Variants in ADAMTSL1 observed in about 807,000 individuals in gnomAD.
ADAMTSL1 encodes the protein ADAMTS-like protein 1.
ADAMTSL1 carries 126 observed loss-of-function variants against 201.8 expected under a neutral mutation model. The ratio of observed to expected loss-of-function variants is 0.62; its 90% CI spans 0.54 to 0.72. ADAMTSL1 has a LOEUF of 0.72. Ranked by LOEUF, ADAMTSL1 falls within the 30% of genes least tolerant of loss-of-function variation. The pLI is 0.00. For missense variants in ADAMTSL1, 2,679 were observed against 2,277.8 expected, an observed-to-expected ratio of 1.18 and a Z score of -3.59; for synonymous variants, 1,121 against 903.4, an observed-to-expected ratio of 1.24 and a Z score of -4.32.
At chr9:18,115,087 A>G (rs1397193662) in intron 1 of ADAMTSL1, among the ~76,000 whole-genome samples, 1 of 152,206 alleles carries the variant, frequency 6.6e-6, no homozygotes, top group Non-Finnish European at 1.5e-5. Flanking sequence ...GAAACTTTAC[A>G]TCGGTCAGCT....
Position 18,088,589 on chromosome 9 carries a change from A to G in ADAMTSL1, c.88-75273A>G, listed in dbSNP as rs139420266. On this transcript the variant is annotated intron_variant, in intron 1 of 29. Transcript: ENST00000680146. ...AGGGACTTGATTAGAAATTTCTTCAAAGAATACATACAAATGATCAACAGG... is the reference window on the plus strand; with the variant it reads ...AGGGACTTGATTAGAAATTTCTTCAGAGAATACATACAAATGATCAACAGG... Among the ~76,000 whole-genome samples the G allele has an allele frequency of 1.4e-3, 220 of 152,342 alleles. 1 individual carries two copies. The highest frequency in any genetic ancestry group is 5.0e-3 in the African/African-American group (208 of 41,584).
chr9:18,091,069 ATG>A (rs34809656), intron 1 of ADAMTSL1, among the ~76,000 whole-genome samples: 6 of 105,780 alleles, frequency 5.7e-5, no homozygotes, highest in South Asian at 5.7e-4. Context: ...GTGTATATGC[ATG>A]TGTGTGTGTG....
intron 21 of ADAMTSL1, among the ~76,000 whole-genome samples, chr9:18,821,282 A>G (rs1337918955): frequency 2.0e-5 from 3 of 152,178 alleles, no homozygotes; most frequent in African/African-American, 7.2e-5. Flanking sequence ...CAAAGAGTAC[A>G]CCTGGTCATC....
In ADAMTSL1 at chr9:18,112,447, A is replaced by T. The variant is rs190319823; in HGVS notation, c.88-51415A>T. 9.2e-5 allele frequency among the ~76,000 whole-genome samples: 14 copies of T among 151,906 alleles called. No individual in the cohort carries two copies. The East Asian group carries it at 2.5e-3, about 27-fold the overall frequency. On this transcript the variant is annotated intron_variant, in intron 1 of 29. Transcript: ENST00000680146. ...TCGAGGGGCTGAGACTCAGTTGCCC[A>T]TAACAGTTATATACTCACAAATATA...
At chr9:18,906,507 G>C (rs1471291624) in intron 27 of ADAMTSL1, among the ~76,000 whole-genome samples, 185 bp from the exon 28 acceptor site, 1 of 152,192 alleles carries the variant, frequency 6.6e-6, no homozygotes, top group Non-Finnish European at 1.5e-5. Context: ...CCAGTAAGAG[G>C]AAATAGTCTT....
rs1821342300 is a variant in ADAMTSL1 at position 18,474,292 on chromosome 9, C to G, written c.60C>G (p.Leu20=). ...GTLLLFLAFL[L]LSSRTARSEE... ...TGCTCCTCTTTCTGGCTTTCCTGCT[C>G]CTGGTAAATGCCTTTTCATTTCAAT... Residue 20 remains leucine, a synonymous_variant, in exon 1 of 29, where the codon CTC becomes CTG. Coordinates refer to ENST00000380548, the MANE Select transcript of ADAMTSL1 (RefSeq NM_001040272.6). 3 of 1,614,094 alleles carry G rather than the reference C, an allele frequency of 1.9e-6. No individual in the cohort carries two copies. The highest frequency in any genetic ancestry group is 8.5e-7 in the Non-Finnish European group (1 of 1,180,012).
rs1338660192 is a variant in ADAMTSL1 at position 18,680,525 on chromosome 9, G to C, written c.1341+9G>C. On this transcript the variant is annotated intron_variant, in intron 11 of 28. Coordinates refer to ENST00000380548, the MANE Select transcript of ADAMTSL1 (RefSeq NM_001040272.6). ...CACAGGAGTGGTCTCCGGTAACTGT[G>C]CCTTCTTTCTTTGTTCATTAGGAGA... The C allele has an allele frequency of 6.2e-7, 1 of 1,613,834 alleles. No individual in the cohort carries two copies. Among genetic ancestry groups the C allele is most frequent in the Non-Finnish European group, 8.5e-7 (1 of 1,179,848 alleles).
chr9:18,831,955 G>T (rs796380156), intron 23 of ADAMTSL1, among the ~76,000 whole-genome samples: 16 of 152,290 alleles, frequency 1.1e-4, no homozygotes, highest in African/African-American at 3.9e-4. Context: ...ATTCAAATAG[G>T]CAGAAAGGAA....
chr9:18,589,299 G>A (rs776364016), intron 4 of ADAMTSL1, among the ~76,000 whole-genome samples: 1 of 151,924 alleles, frequency 6.6e-6, no homozygotes, highest in African/African-American at 2.4e-5. Context: ...CACTTCTTTG[G>A]TTAAATTTAT....
At chr9:18,717,400 A>T (rs1354367705) in intron 14 of ADAMTSL1, among the ~76,000 whole-genome samples, 2 of 152,052 alleles carry the variant, frequency 1.3e-5, no homozygotes, top group East Asian at 3.8e-4. Flanking sequence ...AGACAAGATC[A>T]CTGTCTCCAT....
chr9:18,030,012 A>G lies in ADAMTSL1; in HGVS notation c.87+123090A>G, dbSNP rs1471113394. ...GGCGATTCCTCAGGGATCTAGAACT[A>G]GAAATACCATTTGACCCAGCCATCC... On this transcript the variant is annotated intron_variant, in intron 1 of 29. Transcript: ENST00000680146. Among the ~76,000 whole-genome samples the G allele has an allele frequency of 1.2e-4, 18 of 152,144 alleles. 1 individual carries two copies. The highest frequency in any genetic ancestry group is 2.4e-4 in the African/African-American group (10 of 41,422).
chr9:18,017,712 C>G (rs565097741), intron 1 of ADAMTSL1, among the ~76,000 whole-genome samples: 1 of 152,106 alleles, frequency 6.6e-6, no homozygotes, highest in South Asian at 2.1e-4. Flanking sequence ...TGTGAACTGG[C>G]TACGTTTCAA....
Position 18,710,661 on chromosome 9 carries a change from G to GTTTTTTTTTTTTTTTTTTTTTTT in ADAMTSL1, c.1876+3617_1876+3618insTTTTTTTTTTTTTTTTTTTTTTT. ...TCCTTGCAGTCTTAGAAGGGCCTAA[G>GTTTTTTTTTTTTTTTTTTTTTTT]TTTTGTTTTGTTTTTTTTTTTTTTT... On this transcript the variant is annotated intron_variant, in intron 14 of 28. Coordinates refer to ENST00000380548, the MANE Select transcript of ADAMTSL1 (RefSeq NM_001040272.6). Among the ~76,000 whole-genome samples, 2 of 79,644 alleles carry GTTTTTTTTTTTTTTTTTTTTTTT rather than the reference G, an allele frequency of 2.5e-5. 1 individual carries two copies. Among genetic ancestry groups the GTTTTTTTTTTTTTTTTTTTTTTT allele is most frequent in the Non-Finnish European group, 4.9e-5 (2 of 40,734 alleles). The allele number at this position is 79,644 out of a possible 152,430, so 52.2% of individuals were successfully genotyped here.
At chr9:17,938,244 C>G (rs565180366) in intron 1 of ADAMTSL1, among the ~76,000 whole-genome samples, 2 of 152,088 alleles carry the variant, frequency 1.3e-5, no homozygotes, top group Non-Finnish European at 2.9e-5. Context: ...GGAGGCGTAA[C>G]AGTCCTGTAA....
chr9:18,182,046 C>G (rs559643821), intron 2 of ADAMTSL1, among the ~76,000 whole-genome samples: 1 of 151,010 alleles, frequency 6.6e-6, no homozygotes, highest in South Asian at 2.1e-4. Flanking sequence ...GAACAAAAAA[C>G]CAAACACCGC....
intron 1 of ADAMTSL1, among the ~76,000 whole-genome samples, chr9:18,062,854 A>G (rs1019120582): frequency 1.2e-4 from 18 of 152,162 alleles, no homozygotes; most frequent in African/African-American, 4.3e-4. Context: ...CTTCCATTAA[A>G]CAGATACTTG....
intron 2 of ADAMTSL1, among the ~76,000 whole-genome samples, chr9:18,408,516 T>G (rs1425714341): frequency 6.6e-6 from 1 of 152,096 alleles, no homozygotes; most frequent in Non-Finnish European, 1.5e-5. Flanking sequence ...AAGTACCTAG[T>G]ATGTGCTGGT....
At chr9:17,949,213 T>C (rs112319813) in intron 1 of ADAMTSL1, among the ~76,000 whole-genome samples, 33 of 152,270 alleles carry the variant, frequency 2.2e-4, no homozygotes, top group African/African-American at 7.7e-4. Flanking sequence ...ATTTTGAAGA[T>C]TTTTGCAGAC....
Position 18,795,427 on chromosome 9 carries a change from G to T in ADAMTSL1, c.3708G>T (p.Gln1236His). The change falls in exon 20 of 29, where the codon CAG becomes CAT. Residue 1236 changes from glutamine to histidine, a missense_variant. Coordinates refer to ENST00000380548, the MANE Select transcript of ADAMTSL1 (RefSeq NM_001040272.6). ...TTCTACAGCCAGATGATTCCTTACA[G>T]ATCTTGGCACCAGTGGAAGCAGATG... is the stretch of plus-strand genomic sequence containing the variant. ...RILLQPDDSL[Q>H]ILAPVEADVG... is the part of the protein sequence containing the mutation. 6.2e-7 allele frequency: 1 copy of T among 1,613,928 alleles called. No homozygotes were observed. Among genetic ancestry groups the T allele is most frequent in the Non-Finnish European group, 8.5e-7 (1 of 1,179,832 alleles).
Sources: gnomAD v4.1 joint callset for allele counts (sites outside exome capture counted in the v4.1 genomes callset) on GRCh38, gnomAD v4.1.1 for gene constraint, MANE v1.5 for transcripts, NCBI Gene and HGNC (gene_info 2026-07-23, HGNC 2026-07-21) for gene names.